The following PDE4D variants were observed in gnomAD, a reference collection of about 807,000 sequenced individuals.
PDE4D encodes phosphodiesterase 4D, also known as 3',5'-cyclic-AMP phosphodiesterase 4D.
PDE4D carries 24 observed loss-of-function variants against 87.4 expected under a neutral mutation model. The observed-to-expected ratio is 0.27, with a 90% CI of 0.20 to 0.39. The LOEUF (loss-of-function observed/expected upper bound fraction) is 0.39, where lower values mean the gene tolerates loss of function less well. Among genes scored for constraint, PDE4D ranks in the 10% least tolerant of loss-of-function variants. The pLI, the probability that PDE4D is intolerant of heterozygous loss-of-function variation, is 1.00. For synonymous variants in PDE4D, 384 were observed against 383.2 expected (o/e 1.00, Z -0.02); for missense variants, 714 against 1,041.0 (o/e 0.69, Z 4.32).
chr5:60,407,444 CTTTTTTTTT>C (rs70975385), intron 1 of PDE4D, among the ~76,000 whole-genome samples: 39 of 80,098 alleles, frequency 4.9e-4, no homozygotes, highest in African/African-American at 2.0e-3. Context: ...TTTCTTTTTC[CTTTTTTTTT>C]TTTTTTTTTT....
chr5:60,099,179 T>C (rs2149327418), intron 2 of PDE4D, among the ~76,000 whole-genome samples: 1 of 152,094 alleles, frequency 6.6e-6, no homozygotes, highest in East Asian at 1.9e-4. Flanking sequence ...GTAGCCTTTG[T>C]GAGTACCCTT....
At chr5:60,066,359 C>A (rs1582476689) in intron 2 of PDE4D, among the ~76,000 whole-genome samples, 1 of 152,016 alleles carries the variant, frequency 6.6e-6, no homozygotes, top group South Asian at 2.1e-4. Context: ...TTTCCCTATA[C>A]ACAATATATT....
chr5:59,630,203 T>G (rs755430968), intron 1 of PDE4D, among the ~76,000 whole-genome samples: 6 of 152,224 alleles, frequency 3.9e-5, no homozygotes, highest in Non-Finnish European at 2.9e-5. Context: ...TATATATAAT[T>G]TTAGTCTATT....
At chr5:60,281,752 G>A (rs1023533814) in intron 1 of PDE4D, among the ~76,000 whole-genome samples, 5 of 152,194 alleles carry the variant, frequency 3.3e-5, no homozygotes, top group South Asian at 4.1e-4. Context: ...AAAAGAAGGG[G>A]CCGAGCATGG....
intron 5 of PDE4D, among the ~76,000 whole-genome samples, chr5:59,162,499 T>A (rs1037246659): frequency 1.1e-4 from 17 of 152,018 alleles, no homozygotes; most frequent in African/African-American, 4.1e-4. Context: ...TCACCTGTAG[T>A]GAGGGAGAAC....
At chr5:59,495,734 A>G (rs986936609) in intron 1 of PDE4D, among the ~76,000 whole-genome samples, 2 of 152,182 alleles carry the variant, frequency 1.3e-5, no homozygotes, top group African/African-American at 4.8e-5. Flanking sequence ...CTACGAAATG[A>G]GAAAGGTTCC....
At chr5:59,681,950 G>T (rs1031669093) in intron 1 of PDE4D, among the ~76,000 whole-genome samples, 6 of 148,208 alleles carry the variant, frequency 4.0e-5, no homozygotes, top group African/African-American at 1.5e-4. Flanking sequence ...CCTATTTCTT[G>T]CCCATGTGAT....
chr5:59,001,932 T>C, intron 6 of PDE4D: 1 of 381,924 alleles, frequency 2.6e-6, no homozygotes, highest in South Asian at 2.0e-5. Flanking sequence ...GTGTTTAATA[T>C]AAACCATCTA....
intron 1 of PDE4D, among the ~76,000 whole-genome samples, chr5:60,335,351 T>C (rs1449424871): frequency 6.6e-6 from 1 of 152,178 alleles, no homozygotes; most frequent in Non-Finnish European, 1.5e-5. Flanking sequence ...TACAAAGGGT[T>C]GGTCAACATT....
At chr5:59,074,595 T>C (rs1202355646) in intron 5 of PDE4D, among the ~76,000 whole-genome samples, 1 of 152,038 alleles carries the variant, frequency 6.6e-6, no homozygotes, top group Non-Finnish European at 1.5e-5. Context: ...TCATCTCTAC[T>C]AAAATACGAA....
intron 1 of PDE4D, among the ~76,000 whole-genome samples, chr5:59,455,424 G>A (rs1055071802): frequency 6.6e-6 from 1 of 152,222 alleles, no homozygotes; most frequent in African/African-American, 2.4e-5. Flanking sequence ...GAGCCTGCAG[G>A]TGCACAGAAG....
intron 1 of PDE4D, among the ~76,000 whole-genome samples, chr5:59,752,896 A>G (rs10514857): frequency 0.49 from 74,248 of 152,016 alleles, 18,835 homozygotes; most frequent in African/African-American, 0.56. Flanking sequence ...GCCATGTTAA[A>G]GGTGTGAACT....
At position 60,317,253 on chromosome 5, in the gene PDE4D, A is replaced by G. The variant is rs554309328; in HGVS notation, c.-89-131566T>C. Among the ~76,000 whole-genome samples, 21 of 152,210 alleles carry G rather than the reference A, an allele frequency of 1.4e-4. No individual in the cohort carries two copies. The South Asian group carries it at 3.7e-3, about 27-fold the overall frequency. On this transcript the variant is annotated intron_variant, in intron 1 of 16. Coordinates refer to the PDE4D transcript ENST00000502484. The stretch of plus-strand genomic sequence containing the variant: ...GTCCAGGACTTGATCCATTTCTTCT[A>G]GATTTTCTAGTTTATTTGCATAGAG...
intron 1 of PDE4D, among the ~76,000 whole-genome samples, chr5:59,758,802 G>C (rs1377587700): frequency 6.6e-6 from 1 of 152,110 alleles, no homozygotes; most frequent in African/African-American, 2.4e-5. Flanking sequence ...ACAGCAGCAA[G>C]TTGGAACTTG....
At chr5:60,509,976 G>T (rs1249802384) in intron 1 of PDE4D, among the ~76,000 whole-genome samples, 1 of 152,130 alleles carries the variant, frequency 6.6e-6, no homozygotes, top group Non-Finnish European at 1.5e-5. Context: ...CCAACCCATA[G>T]GTGAAGCAGG....
At chr5:60,504,002 G>A (rs1048572227) in intron 1 of PDE4D, among the ~76,000 whole-genome samples, 11 of 152,242 alleles carry the variant, frequency 7.2e-5, no homozygotes, top group African/African-American at 2.2e-4. Flanking sequence ...AGTTCAAACC[G>A]AGAACCAAAT....
At chr5:59,145,037 T>A (rs1338917547) in intron 5 of PDE4D, among the ~76,000 whole-genome samples, 1 of 152,068 alleles carries the variant, frequency 6.6e-6, no homozygotes, top group Admixed American at 6.5e-5. Context: ...GAACATAGAT[T>A]TTTTTTCTCA....
chr5:59,936,700 A>G (rs923499362), intron 3 of PDE4D, among the ~76,000 whole-genome samples: 3 of 152,124 alleles, frequency 2.0e-5, no homozygotes, highest in African/African-American at 7.2e-5. Flanking sequence ...ATCCAATCCT[A>G]TATTGTTATT....
chr5:59,655,552 C>T (rs1404836209), intron 1 of PDE4D, among the ~76,000 whole-genome samples: 1 of 152,132 alleles, frequency 6.6e-6, no homozygotes, highest in Non-Finnish European at 1.5e-5. Context: ...ATTCACTTCA[C>T]CCTTAGAGCA....
Sources: allele counts gnomAD v4.1 joint callset (sites outside exome capture counted in the v4.1 genomes callset), GRCh38; gene constraint gnomAD v4.1.1; transcripts MANE v1.5; gene names NCBI Gene and HGNC (gene_info 2026-07-23, HGNC 2026-07-21).